KIF26B: variants seen among roughly 807,000 people sequenced by gnomAD.
KIF26B encodes the protein kinesin-like protein KIF26B.
In KIF26B, 63 loss-of-function variants were observed where a neutral mutation model predicts 151.2. That is an observed-to-expected ratio of 0.42 (90% CI 0.34 to 0.51). KIF26B has a LOEUF of 0.51. Among genes scored for constraint, KIF26B ranks in the 20% least tolerant of loss-of-function variants. The pLI is 0.07. For synonymous variants in KIF26B, 1,357 were observed against 1,262.1 expected, an observed-to-expected ratio of 1.08 and a Z score of -1.59; for missense variants, 2,813 against 2,913.6, an observed-to-expected ratio of 0.97 and a Z score of 0.79.
At chr1:245,445,830 C>T (rs1367830757) in intron 4 of KIF26B, among the ~76,000 whole-genome samples, 1 of 152,202 alleles carries the variant, frequency 6.6e-6, no homozygotes, top group Non-Finnish European at 1.5e-5. Context: ...GAACTCCATT[C>T]CTCCAGTCAC....
chr1:245,155,735 T>G (rs1668418114), intron 1 of KIF26B, among the ~76,000 whole-genome samples: 1 of 152,232 alleles, frequency 6.6e-6, no homozygotes, highest in Admixed American at 6.5e-5. Flanking sequence ...TTTTGCCGCA[T>G]TCCTGCACTT....
intron 2 of KIF26B, among the ~76,000 whole-genome samples, chr1:245,247,580 G>A (rs549811400): frequency 6.6e-6 from 1 of 152,362 alleles, no homozygotes; most frequent in African/African-American, 2.4e-5. Flanking sequence ...GCACGATGGC[G>A]TGGCAGCCCT....
intron 10 of KIF26B, among the ~76,000 whole-genome samples, chr1:245,649,771 C>G (rs1275349631): frequency 6.6e-6 from 1 of 151,712 alleles, no homozygotes; most frequent in Non-Finnish European, 1.5e-5. Context: ...CTTGTGCTTG[C>G]TCCTGGGAAA....
At chr1:245,623,192 C>T (rs191744641) in intron 9 of KIF26B, among the ~76,000 whole-genome samples, 66 of 152,006 alleles carry the variant, frequency 4.3e-4, no homozygotes, top group East Asian at 1.2e-3. Context: ...TTCTTCACCC[C>T]CAAAAGTTTC....
rs1481276469 is a variant in KIF26B at position 245,358,006 on chromosome 1, T to C, written c.466-8828T>C. ...ATCATAGCTCACTGCATCCTCAGCC[T>C]CCTGGGCTCAAGGGATCCTCCCACC... On this transcript the variant is annotated intron_variant, in intron 2 of 14. Transcript: ENST00000407071. This position sits in a 1 kb window ranked among gnomAD's most constrained non-coding sequence, Gnocchi z 4.1. 2.6e-5 allele frequency among the ~76,000 whole-genome samples: 4 copies of C among 152,164 alleles called. No homozygotes were observed. Among genetic ancestry groups the C allele is most frequent in the African/African-American group, 9.7e-5 (4 of 41,422 alleles).
At chr1:245,360,197 C>T (rs891308047) in intron 2 of KIF26B, among the ~76,000 whole-genome samples, 2 of 152,084 alleles carry the variant, frequency 1.3e-5, no homozygotes, top group Non-Finnish European at 2.9e-5. Context: ...TTTGACTTGA[C>T]CAGATGTGGT....
At chr1:245,394,727 G>A (rs182214756) in intron 3 of KIF26B, among the ~76,000 whole-genome samples, 748 of 69,378 alleles carry the variant, frequency 0.011, 10 homozygotes, top group African/African-American at 0.041. Flanking sequence ...TTTCACTCTT[G>A]TTGCCCGGGC....
chr1:245,525,928 C>CA (rs35105501), intron 4 of KIF26B, among the ~76,000 whole-genome samples: 10,167 of 151,094 alleles, frequency 0.067, 1,023 homozygotes, highest in African/African-American at 0.22. Context: ...CAGATTCTGC[C>CA]AAAAAAAATG....
Position 245,698,488 on chromosome 1 carries a change from G to A in KIF26B, c.6027+180G>A, listed in dbSNP as rs1558279942. On this transcript the variant is annotated intron_variant, in intron 13 of 14. Coordinates refer to ENST00000407071, the MANE Select transcript of KIF26B (RefSeq NM_018012.4). This position sits in a 1 kb window ranked among gnomAD's most constrained non-coding sequence, Gnocchi z 4.0. ...CAAAGGGCCTTTGGACAGAGGCCTT[G>A]GAGAGAGCCCCATGTTTCTCTTCCT... Among the ~76,000 whole-genome samples, 2 of 152,188 alleles carry A rather than the reference G, an allele frequency of 1.3e-5. No individual in the cohort carries two copies. The highest frequency in any genetic ancestry group is 2.9e-5 in the Non-Finnish European group (2 of 68,032).
intron 2 of KIF26B, among the ~76,000 whole-genome samples, chr1:245,245,874 C>T (rs934918918): frequency 7.1e-6 from 1 of 141,818 alleles, no homozygotes; most frequent in Non-Finnish European, 1.5e-5. Flanking sequence ...TGCAGTGAGC[C>T]GAGATCACAC....
Position 245,572,665 on chromosome 1 carries a change from C to T in KIF26B, c.1351-29912C>T, listed in dbSNP as rs563628989. Reference sequence around the variant, plus strand: ...TTGCCTTTCCTAGAAGGAATCATCCCGATGATACTATTCCTTACTTCTCAC... The same window carrying T: ...TTGCCTTTCCTAGAAGGAATCATCCTGATGATACTATTCCTTACTTCTCAC... On this transcript the variant is annotated intron_variant, in intron 5 of 14. Coordinates refer to ENST00000407071, the MANE Select transcript of KIF26B (RefSeq NM_018012.4). The surrounding 1 kb of genome is among the most constrained non-coding windows in gnomAD (Gnocchi z 4.2). Among the ~76,000 whole-genome samples the T allele has an allele frequency of 7.9e-5, 12 of 152,172 alleles. No individual in the cohort carries two copies. The highest frequency in any genetic ancestry group is 1.6e-4 in the Non-Finnish European group (11 of 67,996).
intron 2 of KIF26B, among the ~76,000 whole-genome samples, chr1:245,178,228 T>G (rs1164533434): frequency 1.3e-5 from 2 of 152,202 alleles, no homozygotes; most frequent in Non-Finnish European, 2.9e-5. Flanking sequence ...TACCATGTGT[T>G]TGTGCTGTGC....
At chr1:245,447,455 A>G (rs1464336253) in intron 4 of KIF26B, among the ~76,000 whole-genome samples, 2 of 152,148 alleles carry the variant, frequency 1.3e-5, no homozygotes, top group Non-Finnish European at 2.9e-5. Context: ...CTTCAATGCT[A>G]TAGTATTAAA....
chr1:245,220,839 G>T (rs946261422), intron 2 of KIF26B, among the ~76,000 whole-genome samples: 2 of 152,140 alleles, frequency 1.3e-5, no homozygotes, highest in African/African-American at 4.8e-5. Flanking sequence ...GAAGACCACA[G>T]CCTGAGTGGT....
intron 2 of KIF26B, among the ~76,000 whole-genome samples, chr1:245,269,492 G>A (rs1199112792): frequency 6.6e-6 from 1 of 151,546 alleles, no homozygotes; most frequent in African/African-American, 2.4e-5. Flanking sequence ...TGAGACGGAG[G>A]TTAGCTCTGT....
At position 245,591,505 on chromosome 1, in the gene KIF26B, C is replaced by G. The variant is rs528376521; in HGVS notation, c.1351-11072C>G. 4.5e-4 allele frequency among the ~76,000 whole-genome samples: 68 copies of G among 152,296 alleles called. 1 individual carries two copies. The highest frequency in any genetic ancestry group is 3.4e-3 in the Middle Eastern group (1 of 294). On this transcript the variant is annotated intron_variant, in intron 5 of 14. Transcript: ENST00000407071. Reference sequence around the variant, plus strand: ...TCGTGCATGGACACATACTGATCAACGTACAGCCAGCACTCAAACCCAGGC... The same window carrying G: ...TCGTGCATGGACACATACTGATCAAGGTACAGCCAGCACTCAAACCCAGGC...
At chr1:245,330,895 C>CT (rs1011761460) in intron 2 of KIF26B, among the ~76,000 whole-genome samples, 1 of 151,500 alleles carries the variant, frequency 6.6e-6, no homozygotes, top group Non-Finnish European at 1.5e-5. Context: ...AAATGAAGTG[C>CT]TTTTTTTAAA....
At chr1:245,701,032 ACAAAGT>A (rs201809338) in intron 14 of KIF26B, among the ~76,000 whole-genome samples, 3,520 of 152,332 alleles carry the variant, frequency 0.023, 71 homozygotes, top group South Asian at 0.067. Flanking sequence ...TCTTCATCTT[ACAAAGT>A]CAGTCATATT....
At chr1:245,260,337 T>G (rs1019133914) in intron 2 of KIF26B, among the ~76,000 whole-genome samples, 1 of 152,294 alleles carries the variant, frequency 6.6e-6, no homozygotes, top group Non-Finnish European at 1.5e-5. Flanking sequence ...TACTGAGATA[T>G]GGAGTGTGGC....
Sources: gnomAD v4.1 joint callset for allele counts (sites outside exome capture counted in the v4.1 genomes callset) on GRCh38, gnomAD v4.1.1 for gene constraint, Gnocchi (gnomAD v3.1) non-coding constraint, MANE v1.5 for transcripts, NCBI Gene and HGNC (gene_info 2026-07-23, HGNC 2026-07-21) for gene names.